GRIK3: variants seen among roughly 807,000 people sequenced by gnomAD.
GRIK3 encodes glutamate ionotropic receptor kainate type subunit 3, also known as glutamate receptor ionotropic, kainate 3.
Under a neutral mutation model 102.5 loss-of-function variants are expected in GRIK3, and 29 were observed. That is an observed-to-expected ratio of 0.28 (90% CI 0.21 to 0.39). The LOEUF (loss-of-function observed/expected upper bound fraction) is 0.39, where lower values mean the gene tolerates loss of function less well. Among genes scored for constraint, GRIK3 ranks in the 10% least tolerant of loss-of-function variants. The pLI, the probability that GRIK3 is intolerant of heterozygous loss-of-function variation, is 1.00. For missense variants in GRIK3, 908 were observed against 1,252.4 expected, an observed-to-expected ratio of 0.73 and a Z score of 4.15; for synonymous variants, 511 against 504.9, an observed-to-expected ratio of 1.01 and a Z score of -0.16.
intron 5 of GRIK3, among the ~76,000 whole-genome samples, chr1:36,867,870 A>G (rs1283810600): frequency 6.6e-6 from 1 of 152,168 alleles, no homozygotes; most frequent in Non-Finnish European, 1.5e-5. Context: ...GCCTGGCTCA[A>G]GCCTCATTCC....
intron 1 of GRIK3, among the ~76,000 whole-genome samples, chr1:37,025,946 A>T (rs912348169): frequency 5.3e-5 from 8 of 152,210 alleles, no homozygotes; most frequent in African/African-American, 9.7e-5. Flanking sequence ...CTGTATGATC[A>T]CCATGGGGAC....
intron 7 of GRIK3, among the ~76,000 whole-genome samples, chr1:36,854,219 G>A (rs1439955129): frequency 6.6e-6 from 1 of 152,190 alleles, no homozygotes; most frequent in African/African-American, 2.4e-5. Context: ...TAAGAACTCT[G>A]GCGTCTGAAT....
At position 37,034,007 on chromosome 1, in the gene GRIK3, G is replaced by A. The variant is rs1455533476; in HGVS notation, c.102C>T (p.His34=). ...FWIPDSRGMP[H]VIRIGGIFEY... ...GGGAGCGCTTACCGATCCGGATGAC[G>A]TGGGGCATCCCGCGCGAGTCCGGGA... Residue 34 remains histidine (H), a synonymous_variant, in exon 1 of 16, where the codon CAC becomes CAT. Transcript: ENST00000373091. 1 of 1,591,858 alleles carries A rather than the reference G, an allele frequency of 6.3e-7. No homozygotes were observed. The highest frequency in any genetic ancestry group is 2.3e-5 in the East Asian group (1 of 43,180).
chr1:36,860,287 A>C (rs1640707332), intron 5 of GRIK3, among the ~76,000 whole-genome samples: 1 of 152,138 alleles, frequency 6.6e-6, no homozygotes, highest in Admixed American at 6.5e-5. Flanking sequence ...ATGGGGTTCA[A>C]TCCCCTTTCT....
chr1:36,913,626 CAGAA>C (rs991245660), intron 1 of GRIK3, among the ~76,000 whole-genome samples: 5 of 152,126 alleles, frequency 3.3e-5, no homozygotes, highest in African/African-American at 1.2e-4. Context: ...GCTGGAGTGA[CAGAA>C]AGGGGCCTGG....
chr1:36,892,603 T>C (rs1392519847), intron 1 of GRIK3, among the ~76,000 whole-genome samples: 1 of 152,020 alleles, frequency 6.6e-6, no homozygotes, highest in Non-Finnish European at 1.5e-5. Flanking sequence ...AGTTCACGTG[T>C]AGAGGTGTCA....
chr1:36,877,445 C>T lies in GRIK3; in HGVS notation c.550+3189G>A, dbSNP rs541837239. Among the ~76,000 whole-genome samples the T allele has an allele frequency of 2.6e-5, 4 of 152,254 alleles. No homozygotes were observed. In the East Asian group the frequency reaches 7.7e-4, roughly 29 times the overall value. ...CCTTGCTCTAGGCTCTCCTTCCAAC[C>T]CTCCCTGTGCATTGCTCTTAGAACC... is the stretch of plus-strand genomic sequence containing the variant. On this transcript the variant is annotated intron_variant, in intron 3 of 15. Coordinates refer to ENST00000373091, the MANE Select transcript of GRIK3 (RefSeq NM_000831.4).
intron 1 of GRIK3, among the ~76,000 whole-genome samples, chr1:37,006,130 T>C (rs1642530126): frequency 6.6e-6 from 1 of 152,166 alleles, no homozygotes; most frequent in South Asian, 2.1e-4. Flanking sequence ...GGAAGCCTCC[T>C]CCTTTTGAAG....
intron 1 of GRIK3, among the ~76,000 whole-genome samples, chr1:36,919,472 G>C (rs1044991934): frequency 4.6e-5 from 7 of 152,000 alleles, no homozygotes; most frequent in Non-Finnish European, 1.0e-4. Flanking sequence ...CTGCTTTAAA[G>C]AGTGAGCAGA....
chr1:36,924,391 G>A (rs1240386002), intron 1 of GRIK3, among the ~76,000 whole-genome samples: 1 of 152,184 alleles, frequency 6.6e-6, no homozygotes, highest in Admixed American at 6.5e-5. Context: ...CCTCCCTAGT[G>A]ATGCGTTGGG....
chr1:36,952,568 A>G lies in GRIK3; in HGVS notation c.116-61472T>C, dbSNP rs530700034. Reference sequence around the variant, plus strand: ...ACAGGGTTGGAAAATAAGTTACATAATGCAATCCTTCATTTACACACATAA... The same window carrying G: ...ACAGGGTTGGAAAATAAGTTACATAGTGCAATCCTTCATTTACACACATAA... On this transcript the variant is annotated intron_variant, in intron 1 of 15. Coordinates refer to ENST00000373091, the MANE Select transcript of GRIK3 (RefSeq NM_000831.4). 2.6e-4 allele frequency among the ~76,000 whole-genome samples: 39 copies of G among 152,290 alleles called. No individual in the cohort carries two copies. In the South Asian group the frequency reaches 7.5e-3, roughly 29 times the overall value.
At chr1:36,970,998 TG>T (rs1167257024) in intron 1 of GRIK3, among the ~76,000 whole-genome samples, 1 of 152,172 alleles carries the variant, frequency 6.6e-6, no homozygotes, top group Non-Finnish European at 1.5e-5. Context: ...TGCAAAGCTG[TG>T]AGACACCACC....
At chr1:36,892,008 T>TTTTA (rs541642218) in intron 1 of GRIK3, among the ~76,000 whole-genome samples, 1,569 of 151,992 alleles carry the variant, frequency 0.01, 23 homozygotes, top group African/African-American at 0.033. Context: ...GCAGTTCCAG[T>TTTTA]TTTATTTATT....
At chr1:36,878,551 C>T (rs1322086401) in intron 3 of GRIK3, among the ~76,000 whole-genome samples, 1 of 152,248 alleles carries the variant, frequency 6.6e-6, no homozygotes, top group African/African-American at 2.4e-5. Flanking sequence ...TGCAGCAGCT[C>T]TTGACATGTG....
At chr1:36,949,011 G>A (rs903115708) in intron 1 of GRIK3, among the ~76,000 whole-genome samples, 1 of 152,190 alleles carries the variant, frequency 6.6e-6, no homozygotes, top group Admixed American at 6.5e-5. Context: ...GGCTCAGACT[G>A]CCTGGGAAGA....
chr1:37,009,031 T>C (rs1043905463), intron 1 of GRIK3, among the ~76,000 whole-genome samples: 1 of 151,910 alleles, frequency 6.6e-6, no homozygotes, highest in African/African-American at 2.4e-5. Context: ...AGAAAGCTAC[T>C]TACCCCTCTG....
At chr1:37,028,356 G>A (rs1247776436) in intron 1 of GRIK3, among the ~76,000 whole-genome samples, 3 of 152,052 alleles carry the variant, frequency 2.0e-5, no homozygotes, top group Admixed American at 6.5e-5. Context: ...GGGTGAGTCC[G>A]TCCTTTATTT....
At chr1:36,805,924 G>T (rs188319652) in intron 14 of GRIK3, among the ~76,000 whole-genome samples, 180 bp downstream of exon 14, 3 of 47,178 alleles carry the variant, frequency 6.4e-5, no homozygotes, top group Admixed American at 7.0e-4. Context: ...CAACAAAAGC[G>T]AAACTCCACC....
chr1:37,030,175 A>G (rs988300230), intron 1 of GRIK3, among the ~76,000 whole-genome samples: 34 of 152,188 alleles, frequency 2.2e-4, no homozygotes, highest in African/African-American at 8.2e-4. Context: ...GTCTTGTCTG[A>G]AGCTATTTAC....
Sources: gnomAD v4.1 joint callset for allele counts (sites outside exome capture counted in the v4.1 genomes callset) on GRCh38, gnomAD v4.1.1 for gene constraint, MANE v1.5 for transcripts, NCBI Gene and HGNC (gene_info 2026-07-23, HGNC 2026-07-21) for gene names.